The following CTNNA3 variants were observed in gnomAD, a reference collection of about 807,000 sequenced individuals.
CTNNA3 encodes the protein catenin alpha 3, also known as catenin alpha-3.
In CTNNA3, 76 loss-of-function variants were observed where a neutral mutation model predicts 95.7. That is an observed-to-expected ratio of 0.79 (90% CI 0.66 to 0.96). The LOEUF (loss-of-function observed/expected upper bound fraction) is 0.96, where lower values mean the gene tolerates loss of function less well. CTNNA3 is among the 40% of genes least tolerant of loss of function. The pLI, the probability that CTNNA3 is intolerant of heterozygous loss-of-function variation, is 0.00. For synonymous variants in CTNNA3, 431 were observed against 374.4 expected, an observed-to-expected ratio of 1.15 and a Z score of -1.74; for missense variants, 1,191 against 1,089.8, an observed-to-expected ratio of 1.09 and a Z score of -1.31.
Position 67,313,443 on chromosome 10 carries a change from A to AT in CTNNA3, c.580-93574_580-93573insA, listed in dbSNP as rs201752895. On this transcript the variant is annotated intron_variant, in intron 5 of 17. Transcript: ENST00000433211. ...CGAGAATCCGTCTCAAAAAAAAAAA[A>AT]AATAATAATAATAATAAAATAAACT... 3.5e-3 allele frequency among the ~76,000 whole-genome samples: 512 copies of AT among 145,140 alleles called. 4 individuals are homozygous for AT. Among genetic ancestry groups the AT allele is most frequent in the East Asian group, 0.015 (75 of 4,994 alleles).
intron 11 of CTNNA3, among the ~76,000 whole-genome samples, chr10:66,490,898 A>G (rs888627339): frequency 2.6e-5 from 4 of 152,216 alleles, no homozygotes; most frequent in African/African-American, 9.6e-5. Flanking sequence ...TATATGATGT[A>G]GTGAGAAATA....
chr10:66,560,398 A>T (rs1842516748), intron 10 of CTNNA3, among the ~76,000 whole-genome samples: 1 of 152,046 alleles, frequency 6.6e-6, no homozygotes, highest in Non-Finnish European at 1.5e-5. Flanking sequence ...TACAATAAAT[A>T]CTTTAGTAGC....
At chr10:66,548,018 TGA>T (rs1187948349) in intron 10 of CTNNA3, among the ~76,000 whole-genome samples, 1 of 151,744 alleles carries the variant, frequency 6.6e-6, no homozygotes, top group Non-Finnish European at 1.5e-5. Flanking sequence ...TAGGTTCAAG[TGA>T]TTCTCCTGCC....
chr10:67,351,336 CA>C (rs1564587762), intron 5 of CTNNA3, among the ~76,000 whole-genome samples: 1 of 151,046 alleles, frequency 6.6e-6, no homozygotes, highest in East Asian at 2.0e-4. Context: ...AAATATACAC[CA>C]AAAAAGTCAA....
intron 9 of CTNNA3, among the ~76,000 whole-genome samples, chr10:66,763,341 C>G (rs12255442): frequency 0.64 from 88,781 of 139,438 alleles, 29,592 homozygotes; most frequent in African/African-American, 0.86. Flanking sequence ...CACACACACA[C>G]AGAGAGAGAG....
chr10:66,189,600 T>TTA (rs539638553), intron 13 of CTNNA3, among the ~76,000 whole-genome samples: 986 of 89,260 alleles, frequency 0.011, 50 homozygotes, highest in African/African-American at 0.03. Context: ...TACTATAGAT[T>TTA]TATATATATA....
chr10:66,668,302 G>A (rs1474906634), intron 9 of CTNNA3, among the ~76,000 whole-genome samples: 7 of 152,024 alleles, frequency 4.6e-5, no homozygotes, highest in Admixed American at 4.6e-4. Context: ...CAAAAAGTAG[G>A]ATTACAAGGT....
intron 5 of CTNNA3, among the ~76,000 whole-genome samples, chr10:67,515,794 A>G (rs544647410): frequency 5.9e-5 from 9 of 152,210 alleles, no homozygotes; most frequent in Non-Finnish European, 1.0e-4. Context: ...AGCAATTAAC[A>G]TACTTCATCT....
intron 5 of CTNNA3, among the ~76,000 whole-genome samples, chr10:67,469,629 G>A (rs1301276216): frequency 2.6e-5 from 4 of 152,042 alleles, no homozygotes; most frequent in Admixed American, 1.3e-4. Context: ...GGCTAGAAGA[G>A]TGATAGCATT....
At chr10:67,160,496 G>A (rs1335803299) in intron 7 of CTNNA3, among the ~76,000 whole-genome samples, 1 of 141,400 alleles carries the variant, frequency 7.1e-6, no homozygotes, top group Non-Finnish European at 1.5e-5. Context: ...GGAGTGCAGT[G>A]ATGTAATCAT....
At chr10:66,742,379 G>A (rs946989031) in intron 9 of CTNNA3, among the ~76,000 whole-genome samples, 3 of 152,096 alleles carry the variant, frequency 2.0e-5, no homozygotes, top group Non-Finnish European at 4.4e-5. Flanking sequence ...CAATGACAAT[G>A]CATGCCCGAA....
intron 7 of CTNNA3, among the ~76,000 whole-genome samples, chr10:67,074,034 CTTTT>C (rs35411851): frequency 9.1e-6 from 1 of 109,434 alleles, no homozygotes; most frequent in South Asian, 3.5e-4. Flanking sequence ...CATTTTAACT[CTTTT>C]TTTTTTTTTT....
chr10:67,761,657 T>C (rs750980570), intron 1 of CTNNA3, among the ~76,000 whole-genome samples: 43 of 152,000 alleles, frequency 2.8e-4, no homozygotes, highest in Non-Finnish European at 2.9e-5. Context: ...GGCGGGCAGA[T>C]CACAAGGTCA....
At chr10:66,726,139 G>A (rs904800454) in intron 9 of CTNNA3, among the ~76,000 whole-genome samples, 12 of 151,962 alleles carry the variant, frequency 7.9e-5, no homozygotes, top group Admixed American at 7.9e-4. Flanking sequence ...AATGTATGTT[G>A]AGTGCTTTTG....
chr10:66,136,059 G>A (rs550982510), intron 13 of CTNNA3, among the ~76,000 whole-genome samples: 104 of 151,950 alleles, frequency 6.8e-4, no homozygotes, highest in Non-Finnish European at 1.0e-3. Flanking sequence ...CCACCACCAC[G>A]CCTGGCTAAT....
At chr10:67,279,292 A>C (rs993414926) in intron 5 of CTNNA3, among the ~76,000 whole-genome samples, 3 of 152,180 alleles carry the variant, frequency 2.0e-5, no homozygotes, top group Non-Finnish European at 4.4e-5. Context: ...AGAGCCATAA[A>C]ATCATTCATT....
chr10:67,155,260 G>A (rs1861258363), intron 7 of CTNNA3, among the ~76,000 whole-genome samples: 1 of 152,142 alleles, frequency 6.6e-6, no homozygotes, highest in African/African-American at 2.4e-5. Flanking sequence ...AGGAAGAGAG[G>A]TAAAGAGCAG....
intron 11 of CTNNA3, among the ~76,000 whole-genome samples, chr10:66,490,376 T>C (rs957013231): frequency 6.6e-6 from 1 of 152,174 alleles, no homozygotes; most frequent in South Asian, 2.1e-4. Context: ...ATAAATATGA[T>C]GAAGAAGAGA....
chr10:66,137,303 C>T (rs182276664), intron 13 of CTNNA3, among the ~76,000 whole-genome samples: 142 of 152,032 alleles, frequency 9.3e-4, no homozygotes, highest in Non-Finnish European at 1.5e-3. Context: ...TATAAGGAAA[C>T]AATCAGGAAA....
Sources: allele counts gnomAD v4.1 joint callset (sites outside exome capture counted in the v4.1 genomes callset), GRCh38; gene constraint gnomAD v4.1.1; transcripts MANE v1.5; gene names NCBI Gene and HGNC (gene_info 2026-07-23, HGNC 2026-07-21).